The following RP1 variants were observed in gnomAD, a reference collection of about 807,000 sequenced individuals.
The protein encoded by RP1 is RP1 axonemal microtubule associated.
In RP1, 16 loss-of-function variants were observed where a neutral mutation model predicts 14.8. The observed-to-expected ratio is 1.08, with a 90% CI of 0.73 to 1.65. RP1 has a LOEUF of 1.65. Among genes scored for constraint, RP1 ranks in the 40% most tolerant of loss-of-function variants. RP1 has a pLI of 0.00. For missense variants in RP1, 2,631 were observed against 2,535.0 expected (o/e 1.04, Z -0.81); for synonymous variants, 876 against 883.6 (o/e 0.99, Z 0.15).
chr8:54,867,339 T>C (rs991531491), intron 28 of RP1, among the ~76,000 whole-genome samples: 6 of 152,198 alleles, frequency 3.9e-5, no homozygotes, highest in Non-Finnish European at 5.9e-5. Flanking sequence ...TTAAAGTGCA[T>C]GTAGTAGTAG....
At chr8:54,762,978 C>G (rs1809677882) in intron 22 of RP1, among the ~76,000 whole-genome samples, 1 of 152,154 alleles carries the variant, frequency 6.6e-6, no homozygotes, top group African/African-American at 2.4e-5. Flanking sequence ...CCATCCTACT[C>G]CAGTATGGCC....
chr8:54,754,745 C>T (rs1052097690), intron 19 of RP1: 3 of 1,444,922 alleles, frequency 2.1e-6, no homozygotes, highest in Non-Finnish European at 2.7e-6. Flanking sequence ...TTGTGAATTC[C>T]AAGTTCTTTG....
intron 12 of RP1, among the ~76,000 whole-genome samples, chr8:54,683,900 G>A (rs1040442658): frequency 1.3e-5 from 2 of 151,860 alleles, no homozygotes; most frequent in Non-Finnish European, 2.9e-5. Context: ...AATGCTTCCA[G>A]CTTTTGCCCA....
intron 7 of RP1, among the ~76,000 whole-genome samples, chr8:54,669,387 G>T (rs886665617): frequency 3.3e-5 from 5 of 152,180 alleles, no homozygotes; most frequent in Non-Finnish European, 7.3e-5. Context: ...ACAGGTGCTG[G>T]AGAGGATGTG....
At chr8:54,765,533 G>A (rs1024831136) in intron 22 of RP1, among the ~76,000 whole-genome samples, 8 of 152,162 alleles carry the variant, frequency 5.3e-5, no homozygotes, top group African/African-American at 1.9e-4. Context: ...TTAGTGTGTG[G>A]TGAATTAAAA....
chr8:54,842,491 C>G (rs775789790), intron 25 of RP1, among the ~76,000 whole-genome samples: 1 of 152,106 alleles, frequency 6.6e-6, no homozygotes, highest in African/African-American at 2.4e-5. Flanking sequence ...CCACCAGGAG[C>G]ACGGCAGAGC....
intron 12 of RP1, among the ~76,000 whole-genome samples, chr8:54,684,803 G>A (rs1585604930): frequency 1.3e-5 from 2 of 152,062 alleles, no homozygotes; most frequent in Admixed American, 1.3e-4. Flanking sequence ...GGAATACTAT[G>A]CAGCCATAAA....
chr8:54,603,356 G>A (rs954229840), intron 1 of RP1, among the ~76,000 whole-genome samples: 19 of 151,962 alleles, frequency 1.3e-4, no homozygotes, highest in African/African-American at 3.1e-4. Flanking sequence ...GTAGATATGC[G>A]GCATTATTTC....
At chr8:54,603,587 A>G (rs989381328) in intron 1 of RP1, among the ~76,000 whole-genome samples, 1 of 152,182 alleles carries the variant, frequency 6.6e-6, no homozygotes, top group African/African-American at 2.4e-5. Context: ...AGTCATTGGT[A>G]GCTTGATGGG....
chr8:54,824,636 C>G (rs1052370698), intron 24 of RP1, among the ~76,000 whole-genome samples: 5 of 152,180 alleles, frequency 3.3e-5, no homozygotes. Flanking sequence ...TAATTTTCCT[C>G]ATGAGTATAG....
chr8:54,611,190 T>C (rs1805582305), upstream of RP1, among the ~76,000 whole-genome samples: 1 of 152,196 alleles, frequency 6.6e-6, no homozygotes, highest in Non-Finnish European at 1.5e-5. Context: ...TTGTAGTTCA[T>C]CCTACGTGTA....
In RP1 at chr8:54,655,566, C is replaced by G. The variant is rs1381191647; in HGVS notation, c.1039-517C>G. On this transcript the variant is annotated intron_variant, in intron 5 of 22. Coordinates refer to the RP1 transcript ENST00000636932. The stretch of plus-strand genomic sequence containing the variant: ...CCTTATGCTAATATTTATAAAATCA[C>G]TTTAAACCAAAAGTTAATTTCTAAG... Among the ~76,000 whole-genome samples the G allele has an allele frequency of 2.6e-5, 4 of 152,128 alleles. No homozygotes were observed. In the East Asian group the frequency reaches 7.7e-4, roughly 29 times the overall value.
At chr8:54,589,558 ATTG>A (rs145197886) in intron 1 of RP1, among the ~76,000 whole-genome samples, 2,068 of 152,218 alleles carry the variant, frequency 0.014, 41 homozygotes, top group South Asian at 0.042. Flanking sequence ...TTCTTGCATC[ATTG>A]TTGTTTCTGC....
At chr8:54,677,171 T>G (rs1441962978) in intron 8 of RP1, among the ~76,000 whole-genome samples, 1 of 151,804 alleles carries the variant, frequency 6.6e-6, no homozygotes, top group African/African-American at 2.4e-5. Flanking sequence ...CTGAAAATCC[T>G]GCATCCTGGG....
intron 7 of RP1, among the ~76,000 whole-genome samples, chr8:54,664,503 T>C (rs914058908): frequency 2.0e-5 from 3 of 152,158 alleles, no homozygotes; most frequent in African/African-American, 4.8e-5. Flanking sequence ...CATTTTACAA[T>C]CCCACCAGCA....
intron 3 of RP1, among the ~76,000 whole-genome samples, chr8:54,647,369 A>C (rs1806571053): frequency 6.6e-6 from 1 of 152,152 alleles, no homozygotes. Flanking sequence ...AGCCAAGGTC[A>C]TACCACTGCA....
intron 1 of RP1, among the ~76,000 whole-genome samples, chr8:54,606,167 G>C (rs968088935): frequency 6.6e-6 from 1 of 152,132 alleles, no homozygotes; most frequent in Non-Finnish European, 1.5e-5. Context: ...GCATGTTTTT[G>C]CAGTGGCTGG....
chr8:54,843,377 C>T (rs535128441), intron 25 of RP1, among the ~76,000 whole-genome samples: 4 of 152,212 alleles, frequency 2.6e-5, no homozygotes, highest in East Asian at 3.9e-4. Flanking sequence ...CCATGGTGCC[C>T]GGCCCAGAGG....
At chr8:54,655,601 C>G (rs1806739191) in intron 5 of RP1, among the ~76,000 whole-genome samples, 1 of 152,092 alleles carries the variant, frequency 6.6e-6, no homozygotes, top group Non-Finnish European at 1.5e-5. Context: ...GAAGTTGAAA[C>G]AGGGAAATAA....
Sources: gnomAD v4.1 joint callset for allele counts (sites outside exome capture counted in the v4.1 genomes callset) on GRCh38, gnomAD v4.1.1 for gene constraint, MANE v1.5 for transcripts, NCBI Gene and HGNC (gene_info 2026-07-23, HGNC 2026-07-21) for gene names.